The following PATL2 variants were observed in gnomAD, a reference collection of about 807,000 sequenced individuals.
PATL2 encodes the protein protein PAT1 homolog 2.
PATL2 carries 73 observed loss-of-function variants against 77.0 expected under a neutral mutation model. The ratio of observed to expected loss-of-function variants is 0.95; its 90% confidence interval spans 0.78 to 1.15. The LOEUF (loss-of-function observed/expected upper bound fraction) is 1.15, where lower values mean the gene tolerates loss of function less well. PATL2 is among the 50% of genes most tolerant of loss of function. PATL2 has a pLI of 0.00. For synonymous variants in PATL2, 265 were observed against 257.1 expected, an observed-to-expected ratio of 1.03 and a Z score of -0.29; for missense variants, 618 against 655.4, an observed-to-expected ratio of 0.94 and a Z score of 0.62.
At chr15:44,684,127 A>C (rs908823665) in intron 3 of PATL2, among the ~76,000 whole-genome samples, 1 of 152,140 alleles carries the variant, frequency 6.6e-6, no homozygotes, top group African/African-American at 2.4e-5. Context: ...AGATAAATCC[A>C]TGAAGATGAG....
chr15:44,669,147 G>T lies in PATL2; in HGVS notation c.1065-8C>A, dbSNP rs751979435. ...AAGCCATCTGCTGCCTCTCTGCAAGGGAGAGAGGAGAACATTTTCAGAGCT... is the reference window on the plus strand; with the variant it reads ...AAGCCATCTGCTGCCTCTCTGCAAGTGAGAGAGGAGAACATTTTCAGAGCT... On this transcript the variant is annotated splice_region_variant and splice_polypyrimidine_tract_variant and intron_variant, in intron 13 of 17. Coordinates refer to ENST00000682850, the MANE Select transcript of PATL2 (RefSeq NM_001387263.1). 39 of 1,529,410 alleles carry T rather than the reference G, an allele frequency of 2.5e-5. No homozygotes were observed. Among genetic ancestry groups the T allele is most frequent in the Non-Finnish European group, 3.4e-5 (39 of 1,132,888 alleles). The allele number at this position is 1,529,410 out of a possible 1,614,324, so 94.7% of individuals were successfully genotyped here.
Position 44,672,040 on chromosome 15 carries a change from G to T in PATL2, c.632C>A (p.Pro211His). 1 of 1,551,666 alleles carries T rather than the reference G, an allele frequency of 6.4e-7. No homozygotes were observed. Among genetic ancestry groups the T allele is most frequent in the Non-Finnish European group, 8.7e-7 (1 of 1,146,990 alleles). ...CTGGTAATAGTAGTCATCCAGGCGG[G>T]GTTTTGCACTCTGCAGCTGCACCAT... ...VQMVQLQSAK[P>H]RLDDYYYQEY... The change falls in exon 9 of 18, where the codon CCC becomes CAC. Residue 211 changes from proline (P) to histidine (H), a missense_variant. By Grantham distance (77) the Pro-to-His change is moderately conservative. Transcript: ENST00000682850.
At chr15:44,681,303 G>A (rs188549397) in intron 3 of PATL2, among the ~76,000 whole-genome samples, 1 of 152,308 alleles carries the variant, frequency 6.6e-6, no homozygotes, top group Admixed American at 6.5e-5. Flanking sequence ...ACAGATGTGA[G>A]CCACTTCTCT....
At chr15:44,668,589 G>A in intron 14 of PATL2, 107 bp from the exon 15 acceptor site, 1 of 1,377,224 alleles carries the variant, frequency 7.3e-7, no homozygotes, top group Non-Finnish European at 9.7e-7. Context: ...GCACGTCCTG[G>A]TGAGGTTACT....
intron 3 of PATL2, among the ~76,000 whole-genome samples, chr15:44,709,688 A>G (rs913550467): frequency 3.3e-5 from 5 of 152,196 alleles, no homozygotes; most frequent in African/African-American, 1.2e-4. Context: ...AAATACAGGT[A>G]TTCCCCCCCA....
chr15:44,667,825 C>G lies in PATL2; in HGVS notation c.1365+517G>C, dbSNP rs537603946. 3.0e-4 allele frequency among the ~76,000 whole-genome samples: 45 copies of G among 152,240 alleles called. 1 individual carries two copies. In the South Asian group the frequency reaches 5.2e-3, roughly 18 times the overall value. On this transcript the variant is annotated intron_variant, in intron 15 of 17. Transcript: ENST00000682850. ...GGGTGTGTTGGCGAACACTTGTAATCCCAGCTACTTGGGAGGCTGAGGCAG... is the reference window on the plus strand; with the variant it reads ...GGGTGTGTTGGCGAACACTTGTAATGCCAGCTACTTGGGAGGCTGAGGCAG...
At chr15:44,687,509 C>T (rs557331365) in intron 3 of PATL2, among the ~76,000 whole-genome samples, 4 of 152,298 alleles carry the variant, frequency 2.6e-5, no homozygotes, top group Non-Finnish European at 5.9e-5. Context: ...GAAAAGGATG[C>T]CTTCTCTCAC....
At position 44,676,487 on chromosome 15, in the gene PATL2, T is replaced by C. The variant is rs1420923648; in HGVS notation, c.4A>G (p.Asn2Asp). 5.2e-6 allele frequency: 8 copies of C among 1,551,440 alleles called. No individual in the cohort carries two copies. The East Asian group carries it at 9.8e-5, about 19-fold the overall frequency. The change falls in exon 4 of 18, where the codon AAT becomes GAT. Residue 2 changes from asparagine to aspartate, a missense_variant. By Grantham distance (23) the Asn-to-Asp change is conservative. Transcript: ENST00000682850. M[N>D]CLEGPGKTCG... ...CACTTGTTGATACCTTCAAGGCAAT[T>C]CATCTTGGCAGGCTGGTGGACTTCC... is the stretch of plus-strand genomic sequence containing the variant.
intron 17 of PATL2, 54 bp from the exon 18 acceptor site, chr15:44,666,025 A>G: frequency 1.4e-6 from 2 of 1,425,626 alleles, no homozygotes; most frequent in Non-Finnish European, 9.5e-7. Flanking sequence ...GCAAGTATTT[A>G]TATGATTTAA....
At chr15:44,709,408 G>A (rs951272708) in intron 3 of PATL2, among the ~76,000 whole-genome samples, 5 of 152,090 alleles carry the variant, frequency 3.3e-5, no homozygotes, top group African/African-American at 9.7e-5. Flanking sequence ...GTGGCTGGGC[G>A]TGGTAACACA....
intron 9 of PATL2, among the ~76,000 whole-genome samples, chr15:44,671,444 G>T (rs1457446267): frequency 6.6e-6 from 1 of 151,658 alleles, no homozygotes. Context: ...AGCTGAGATG[G>T]TGCCACTGCA....
chr15:44,691,014 A>G (rs189094211), intron 3 of PATL2, among the ~76,000 whole-genome samples: 1 of 151,652 alleles, frequency 6.6e-6, no homozygotes, highest in African/African-American at 2.4e-5. Context: ...AAACTGTCCT[A>G]ATTTAAATAA....
At chr15:44,667,540 G>A (rs2085442284) in intron 15 of PATL2, among the ~76,000 whole-genome samples, 1 of 152,202 alleles carries the variant, frequency 6.6e-6, no homozygotes, top group African/African-American at 2.4e-5. Context: ...ACTTCTTTAA[G>A]CAAAGACCTT....
intron 7 of PATL2, 53 bp from the exon 8 acceptor site, chr15:44,672,509 C>T (rs1377616044): frequency 2.0e-6 from 3 of 1,487,452 alleles, no homozygotes; most frequent in Admixed American, 3.9e-5. Flanking sequence ...CAGTTCTCTG[C>T]CCCCTCCATT....
intron 3 of PATL2, among the ~76,000 whole-genome samples, chr15:44,694,498 C>T (rs1316848260): frequency 1.3e-5 from 2 of 151,994 alleles, no homozygotes; most frequent in African/African-American, 2.4e-5. Context: ...TTTCTTTTGC[C>T]TCTTAAACTT....
intron 3 of PATL2, among the ~76,000 whole-genome samples, chr15:44,694,036 T>C (rs957348165): frequency 1.2e-4 from 19 of 152,168 alleles, no homozygotes; most frequent in African/African-American, 4.3e-4. Context: ...CAGTTCTGTA[T>C]CAAGTGACAT....
At chr15:44,687,911 G>C (rs1276544271) in intron 3 of PATL2, among the ~76,000 whole-genome samples, 1 of 152,112 alleles carries the variant, frequency 6.6e-6, no homozygotes, top group Non-Finnish European at 1.5e-5. Context: ...AGGACACAAA[G>C]AAGTGGAAAA....
chr15:44,669,526 A>G lies in PATL2; in HGVS notation c.914T>C (p.Leu305Ser). The change falls in exon 12 of 18, where the codon TTA becomes TCA. Residue 305 changes from leucine to serine, a missense_variant. Physicochemically the swap from Leu to Ser is moderately radical, Grantham distance 145. Transcript: ENST00000682850. ...ATATCTCACCTTCTCAATCCGGTAT[A>G]ATACCCGAAGCCTCTGACTGCTTGC... is the stretch of plus-strand genomic sequence containing the variant. ...EAASSQRLRV[L>S]YRIEKMFLQL... The G allele has an allele frequency of 6.4e-7, 1 of 1,551,432 alleles. No individual in the cohort carries two copies. The highest frequency in any genetic ancestry group is 1.4e-5 in the African/African-American group (1 of 73,136).
intron 3 of PATL2, among the ~76,000 whole-genome samples, chr15:44,694,548 T>A (rs1267255487): frequency 2.0e-5 from 3 of 152,150 alleles, no homozygotes; most frequent in Non-Finnish European, 4.4e-5. Context: ...GTCTCCTACA[T>A]TTTCCTGGCA....
Sources: allele counts gnomAD v4.1 joint callset (sites outside exome capture counted in the v4.1 genomes callset), GRCh38; gene constraint gnomAD v4.1.1; transcripts MANE v1.5; gene names NCBI Gene and HGNC (gene_info 2026-07-23, HGNC 2026-07-21).